The following PCDHA7 variants were observed in gnomAD, a reference collection of about 807,000 sequenced individuals.
The protein encoded by PCDHA7 is protocadherin alpha-7.
PCDHA7 carries 37 observed loss-of-function variants against 57.2 expected under a neutral mutation model. The observed-to-expected ratio is 0.65, with a 90% CI of 0.50 to 0.85. The LOEUF (loss-of-function observed/expected upper bound fraction) is 0.85, where lower values mean the gene tolerates loss of function less well. Ranked by LOEUF, PCDHA7 falls within the 40% of genes least tolerant of loss-of-function variation. The pLI is 0.00. For missense variants in PCDHA7, 1,188 were observed against 1,241.8 expected (o/e 0.96, Z 0.65); for synonymous variants, 553 against 558.8 (o/e 0.99, Z 0.15).
At chr5:140,976,203 A>T (rs1301475935) in intron 1 of PCDHA7, among the ~76,000 whole-genome samples, 1 of 152,220 alleles carries the variant, frequency 6.6e-6, no homozygotes, top group East Asian at 1.9e-4. Flanking sequence ...GAAACTCAGA[A>T]GTAAAAAAGA....
At chr5:140,871,277 C>T (rs1187011496) in intron 1 of PCDHA7, 15 of 1,613,782 alleles carry the variant, frequency 9.3e-6, no homozygotes, top group Admixed American at 6.7e-5. Flanking sequence ...TGGTCGGCAA[C>T]GCCCACTGAG....
intron 3 of PCDHA7, among the ~76,000 whole-genome samples, chr5:140,999,654 C>T (rs180994815): frequency 1.3e-3 from 194 of 152,238 alleles, no homozygotes; most frequent in African/African-American, 4.4e-3. Context: ...AGCCTGAGCC[C>T]TGCTGGGTTG....
chr5:140,966,958 G>T (rs561982676), intron 1 of PCDHA7: 4 of 1,602,380 alleles, frequency 2.5e-6, no homozygotes, highest in African/African-American at 2.7e-5. Context: ...TGGCTCGCGC[G>T]CTGGGGCTTG....
intron 1 of PCDHA7, chr5:140,967,505 G>C (rs782818141): frequency 2.4e-5 from 39 of 1,612,940 alleles, no homozygotes; most frequent in Non-Finnish European, 3.2e-5. Context: ...CTCTGTGCGT[G>C]TCCTGGACAC....
At position 140,848,707 on chromosome 5, in the gene PCDHA7, G is replaced by T. The variant is rs2150418357; in HGVS notation, c.2355+11969G>T. 8 of 1,592,314 alleles carry T rather than the reference G, an allele frequency of 5.0e-6. 3 individuals are homozygous for T. Among genetic ancestry groups the T allele is most frequent in the Middle Eastern group, 3.5e-4 (2 of 5,774 alleles). ...CTGTTCCAGTTGGATTCCAAAGGCC[G>T]CGGGGACCTTCTGGAGGTAAATCTG... On this transcript the variant is annotated intron_variant, in intron 1 of 3. Coordinates refer to ENST00000525929, the MANE Select transcript of PCDHA7 (RefSeq NM_018910.3).
At chr5:140,843,766 G>T (rs1303909479) in intron 1 of PCDHA7, 4 of 1,487,952 alleles carry the variant, frequency 2.7e-6, no homozygotes, top group Non-Finnish European at 3.7e-6. Context: ...GGAAATTGTA[G>T]TTACTTTAAA....
At chr5:140,998,112 T>A (rs1554256165) in intron 3 of PCDHA7, among the ~76,000 whole-genome samples, 2 of 152,152 alleles carry the variant, frequency 1.3e-5, no homozygotes, top group Non-Finnish European at 2.9e-5. Context: ...AGGAGAAAAT[T>A]TACTTGTGAA....
At position 140,848,431 on chromosome 5, in the gene PCDHA7, A is replaced by T; in HGVS notation, c.2355+11693A>T. On this transcript the variant is annotated intron_variant, in intron 1 of 3. Transcript: ENST00000525929. ...GAACACAGCAGAATGGGACTGACGAAATCAGATGATTTCTTCTAATTTGGA... is the reference window on the plus strand; with the variant it reads ...GAACACAGCAGAATGGGACTGACGATATCAGATGATTTCTTCTAATTTGGA... 2.7e-6 allele frequency: 4 copies of T among 1,467,178 alleles called. 2 individuals are homozygous for T. The highest frequency in any genetic ancestry group is 3.7e-6 in the Non-Finnish European group (4 of 1,073,724). 90.9% of individuals were successfully genotyped at this position (1,467,178 alleles called of 1,614,324 possible). A position where few individuals can be genotyped will look rare whatever the true frequency, so the allele number is the denominator to read the frequency against.
chr5:140,943,333 T>C (rs1337058167), intron 1 of PCDHA7, among the ~76,000 whole-genome samples: 1 of 150,974 alleles, frequency 6.6e-6, no homozygotes, highest in East Asian at 1.9e-4. Flanking sequence ...GTAGTATCCA[T>C]TGGACAGGAT....
At chr5:140,857,246 T>C in intron 1 of PCDHA7, 1 of 1,598,642 alleles carries the variant, frequency 6.3e-7, no homozygotes, top group Non-Finnish European at 8.6e-7. Context: ...GGTGTCCACC[T>C]ACAAGAATTA....
At chr5:140,950,219 C>G (rs1173605199) in intron 1 of PCDHA7, among the ~76,000 whole-genome samples, 4 of 151,898 alleles carry the variant, frequency 2.6e-5, no homozygotes, top group African/African-American at 9.7e-5. Flanking sequence ...TAGTCATTTA[C>G]CATTTCTAGT....
rs2150387302 is a variant in PCDHA7 at position 140,846,348 on chromosome 5, C to T, written c.2355+9610C>T. ...TAAATAGCCTTTTAAAGTGCTTTCT[C>T]TTTTTTCTTTTCTTTTCTTTCTTTC... is the stretch of plus-strand genomic sequence containing the variant. On this transcript the variant is annotated intron_variant, in intron 1 of 3. Transcript: ENST00000525929. 5.0e-5 allele frequency among the ~76,000 whole-genome samples: 7 copies of T among 138,736 alleles called. 1 individual carries two copies. Among genetic ancestry groups the T allele is most frequent in the East Asian group, 2.0e-4 (1 of 4,968 alleles). The allele number at this position is 138,736 out of a possible 152,430, so 91.0% of individuals were successfully genotyped here.
intron 1 of PCDHA7, among the ~76,000 whole-genome samples, chr5:140,917,223 C>T (rs1351907671): frequency 2.0e-5 from 3 of 150,934 alleles, no homozygotes; most frequent in African/African-American, 4.9e-5. Flanking sequence ...TTTAGTGATA[C>T]GTTGTTAAAT....
intron 1 of PCDHA7, among the ~76,000 whole-genome samples, chr5:140,886,770 G>A (rs1554182701): frequency 6.8e-6 from 1 of 146,884 alleles, no homozygotes; most frequent in Non-Finnish European, 1.5e-5. Context: ...AGGTTGCAGT[G>A]AGATGAGATC....
chr5:140,951,546 G>A (rs962043182), intron 1 of PCDHA7, among the ~76,000 whole-genome samples: 9 of 151,942 alleles, frequency 5.9e-5, no homozygotes, highest in Non-Finnish European at 8.8e-5. Context: ...CAAGGGACGG[G>A]GGGAAGTGCT....
At chr5:140,928,427 C>T in intron 1 of PCDHA7, 1 of 1,614,132 alleles carries the variant, frequency 6.2e-7, no homozygotes. Flanking sequence ...GCCAAAACTT[C>T]CTTTGACTTT....
chr5:140,910,965 C>T (rs1554194514), intron 1 of PCDHA7, among the ~76,000 whole-genome samples: 1 of 152,098 alleles, frequency 6.6e-6, no homozygotes, highest in Non-Finnish European at 1.5e-5. Context: ...TAGCACACCT[C>T]CTCATGGGTT....
chr5:140,945,596 T>C (rs2093812585), intron 1 of PCDHA7, among the ~76,000 whole-genome samples: 1 of 152,060 alleles, frequency 6.6e-6, no homozygotes, highest in Admixed American at 6.6e-5. Context: ...ACTTCAAAGC[T>C]ATAATAATCA....
chr5:140,870,527 C>T, intron 1 of PCDHA7: 1 of 1,614,236 alleles, frequency 6.2e-7, no homozygotes, highest in Non-Finnish European at 8.5e-7. Context: ...CACATCTTCA[C>T]AGTGTCGGCG....
Sources: allele counts gnomAD v4.1 joint callset (sites outside exome capture counted in the v4.1 genomes callset), GRCh38; gene constraint gnomAD v4.1.1; transcripts MANE v1.5; gene names NCBI Gene and HGNC (gene_info 2026-07-23, HGNC 2026-07-21).